The following ATG13 variants were observed in gnomAD, a reference collection of about 807,000 sequenced individuals.
ATG13 encodes autophagy related 13.
Under a neutral mutation model 65.5 loss-of-function variants are expected in ATG13, and 23 were observed. The observed-to-expected ratio is 0.35, with a 90% CI of 0.25 to 0.50. ATG13 has a LOEUF of 0.50. Among genes scored for constraint, ATG13 ranks in the 20% least tolerant of loss-of-function variants. The pLI is 0.98. For missense variants in ATG13, 566 were observed against 677.0 expected (o/e 0.84, Z 1.82); for synonymous variants, 252 against 245.2 (o/e 1.03, Z -0.26).
At chr11:46,667,370 A>G (rs1164212834) in intron 14 of ATG13, among the ~76,000 whole-genome samples, 1 of 152,188 alleles carries the variant, frequency 6.6e-6, no homozygotes. Context: ...GGGAGTGGGA[A>G]CAGCCAAATT....
At chr11:46,666,442 G>A (rs898651083) in intron 14 of ATG13, among the ~76,000 whole-genome samples, 5 of 152,178 alleles carry the variant, frequency 3.3e-5, no homozygotes, top group African/African-American at 1.2e-4. Flanking sequence ...GCCTCATGGA[G>A]AGCCTTTGGA....
At chr11:46,655,982 A>C (rs191363254) in intron 7 of ATG13, among the ~76,000 whole-genome samples, 2 of 152,266 alleles carry the variant, frequency 1.3e-5, no homozygotes, top group East Asian at 3.9e-4. Flanking sequence ...GATCCTCCCG[A>C]AGTGCTGGGA....
At chr11:46,645,723 G>A in intron 4 of ATG13, 147 bp from the exon 5 acceptor site, 1 of 1,196,156 alleles carries the variant, frequency 8.4e-7, no homozygotes, top group African/African-American at 1.5e-5. Context: ...CTTTGATGCA[G>A]GATTATCCCT....
Position 46,644,265 on chromosome 11 carries a change from CTTT to C in ATG13, c.-13-5_-13-3del, listed in dbSNP as rs750958461. On this transcript the variant is annotated splice_polypyrimidine_tract_variant and intron_variant, in intron 2 of 18. Coordinates refer to ENST00000683050, the MANE Select transcript of ATG13 (RefSeq NM_001346311.2). ...AAAGATATTAGTCATATTTTTTTCA[CTTT>C]TTTTTTTTAGATTCCTATAGGCAAT... The C allele has an allele frequency of 2.6e-6, 3 of 1,164,626 alleles. No individual in the cohort carries two copies. Among genetic ancestry groups the C allele is most frequent in the African/African-American group, 1.6e-5 (1 of 62,206 alleles). 72.1% of individuals were successfully genotyped at this position (1,164,626 alleles called of 1,614,324 possible). A position where few individuals can be genotyped will look rare whatever the true frequency, so the allele number is the denominator to read the frequency against.
In ATG13 at chr11:46,673,091, C is replaced by G. The variant is rs2134403971; in HGVS notation, c.*759C>G. On this transcript the variant is annotated 3_prime_UTR_variant, in exon 19 of 19. Transcript: ENST00000683050. ...GCAAAGTTCTCTTCCTCTTGTCCCC[C>G]CGTTGCTGCTCCTTGGTTATAGAAC... is the stretch of plus-strand genomic sequence containing the variant. 1 of 180,500 alleles carries G rather than the reference C, an allele frequency of 5.5e-6. No individual in the cohort carries two copies. Among genetic ancestry groups the G allele is most frequent in the East Asian group, 1.5e-4 (1 of 6,618 alleles). 11.2% of individuals were successfully genotyped at this position (180,500 alleles called of 1,614,324 possible). A position where few individuals can be genotyped will look rare whatever the true frequency, so the allele number is the denominator to read the frequency against.
chr11:46,648,496 T>C (rs1354991994), intron 5 of ATG13, among the ~76,000 whole-genome samples: 1 of 149,970 alleles, frequency 6.7e-6, no homozygotes, highest in Non-Finnish European at 1.5e-5. Flanking sequence ...GAAACAACCT[T>C]GGCCGGGCGC....
Position 46,622,102 on chromosome 11 carries a change from TATATATATATATATATATATATA to T in ATG13, c.-70+4213_-70+4235del, listed in dbSNP as rs2047801085. 2.5e-3 allele frequency among the ~76,000 whole-genome samples: 211 copies of T among 82,840 alleles called. 1 individual carries two copies. Among genetic ancestry groups the T allele is most frequent in the African/African-American group, 8.8e-3 (196 of 22,154 alleles). 54.3% of individuals were successfully genotyped at this position (82,840 alleles called of 152,430 possible). On this transcript the variant is annotated intron_variant, in intron 1 of 18. Transcript: ENST00000683050. ...ATATATATATATATATATATATATA[TATATATATATATATATATATATA>T]TATTTATTTTAGAGATGGTATTTGC...
At chr11:46,664,216 G>T in intron 12 of ATG13, 121 bp downstream of exon 12, 1 of 823,066 alleles carries the variant, frequency 1.2e-6, no homozygotes, top group Non-Finnish European at 1.8e-6. Context: ...ATTATTTTGA[G>T]GCTTGGTAAT....
chr11:46,659,367 C>T (rs751760979), intron 10 of ATG13, 25 bp from the exon 11 acceptor site: 1 of 1,574,388 alleles, frequency 6.4e-7, no homozygotes, highest in Non-Finnish European at 8.7e-7. Flanking sequence ...CCATAAAATT[C>T]ATTATTTCTT....
At chr11:46,622,076 CATATATAT>C (rs58391951) in intron 1 of ATG13, among the ~76,000 whole-genome samples, 4,113 of 71,086 alleles carry the variant, frequency 0.058, 109 homozygotes, top group Non-Finnish European at 0.075. Context: ...TATTTATTTA[CATATATAT>C]ATATATATAT....
chr11:46,624,653 C>T (rs1184974209), intron 1 of ATG13, among the ~76,000 whole-genome samples: 1 of 152,088 alleles, frequency 6.6e-6, no homozygotes, highest in Admixed American at 6.5e-5. Context: ...TAATACATCA[C>T]ATCAGAAGGG....
chr11:46,663,969 T>TC, intron 11 of ATG13, 28 bp from the exon 12 acceptor site: 1 of 927,676 alleles, frequency 1.1e-6, no homozygotes, highest in Non-Finnish European at 1.6e-6. Context: ...TTTTTGTTTC[T>TC]CCTGTCTCTG....
intron 11 of ATG13, chr11:46,659,875 G>A (rs1346488840): frequency 1.2e-5 from 2 of 161,446 alleles, no homozygotes; most frequent in Non-Finnish European, 2.7e-5. Context: ...AAATTATTTA[G>A]CATAAAATGA....
chr11:46,664,109 G>C lies in ATG13; in HGVS notation c.888+14G>C. 1.3e-6 allele frequency: 2 copies of C among 1,517,914 alleles called. No individual in the cohort carries two copies. The highest frequency in any genetic ancestry group is 1.8e-6 in the Non-Finnish European group (2 of 1,118,096). The allele number at this position is 1,517,914 out of a possible 1,614,324, so 94.0% of individuals were successfully genotyped here. On this transcript the variant is annotated intron_variant, in intron 12 of 18. Transcript: ENST00000683050. ...TTTTCCCATCAAGTGAGTCCATAAT[G>C]GGAAGAAGGGGATATAATCAGATGG...
intron 2 of ATG13, among the ~76,000 whole-genome samples, chr11:46,640,785 A>G (rs554437578): frequency 6.6e-6 from 1 of 152,374 alleles, no homozygotes; most frequent in South Asian, 2.1e-4. Context: ...AGATACTACT[A>G]TCTTTACCAG....
intron 7 of ATG13, among the ~76,000 whole-genome samples, chr11:46,655,760 C>A (rs939788654): frequency 1.3e-5 from 2 of 152,054 alleles, no homozygotes; most frequent in Admixed American, 1.3e-4. Context: ...TTTTTTGAGA[C>A]AGCGTCTCAT....
chr11:46,645,895 C>T lies in ATG13; in HGVS notation c.176C>T (p.Pro59Leu). ...DWFNLAIKDI[P>L]EVTHEAKKAL... is the part of the protein sequence containing the mutation. ...TTCAACTTAGCAATCAAAGACATCC[C>T]AGAGGTTACACATGAAGCAAAGAAG... Residue 59 changes from proline (P) to leucine (L), a missense_variant, in exon 5 of 19, where the codon CCA becomes CTA. Pro to Leu is a moderately conservative substitution (Grantham distance 98). Around this residue, in one of 2 missense-constraint regions of ATG13, gnomAD observed 179 missense variants for 267.2 expected, o/e 0.67. Transcript: ENST00000683050. 1 of 1,614,152 alleles carries T rather than the reference C, an allele frequency of 6.2e-7. No homozygotes were observed. Among genetic ancestry groups the T allele is most frequent in the Non-Finnish European group, 8.5e-7 (1 of 1,180,006 alleles).
At chr11:46,649,258 C>G in intron 6 of ATG13, 75 bp downstream of exon 6, 1 of 1,525,452 alleles carries the variant, frequency 6.6e-7, no homozygotes. Flanking sequence ...AAAAGCAGGG[C>G]TTTGTTTTCA....
At chr11:46,657,022 T>G (rs1185405158) in intron 8 of ATG13, 73 bp from the exon 9 acceptor site, 1 of 1,285,648 alleles carries the variant, frequency 7.8e-7, no homozygotes, top group Non-Finnish European at 1.1e-6. Context: ...GCCAAATAAT[T>G]CAGGGAAAGA....
Sources: allele counts gnomAD v4.1 joint callset (sites outside exome capture counted in the v4.1 genomes callset), GRCh38; gene constraint gnomAD v4.1.1; regional missense constraint gnomAD v4.1.1; transcripts MANE v1.5; gene names NCBI Gene and HGNC (gene_info 2026-07-23, HGNC 2026-07-21).